CNIH3: variants seen among roughly 807,000 people sequenced by gnomAD.
CNIH3 encodes cornichon family AMPA receptor auxiliary protein 3.
Under a neutral mutation model 24.1 loss-of-function variants are expected in CNIH3, and 14 were observed. The ratio of observed to expected loss-of-function variants is 0.58; its 90% confidence interval spans 0.38 to 0.91. The LOEUF is 0.91. Ranked by LOEUF, CNIH3 falls within the 40% of genes least tolerant of loss-of-function variation. The probability of loss-of-function intolerance (pLI) is 0.00; values close to 1 mark genes in which losing one functional copy is unlikely to be tolerated. For missense variants in CNIH3, 178 were observed against 196.8 expected (o/e 0.90, Z 0.57); for synonymous variants, 68 against 73.8 (o/e 0.92, Z 0.40).
At chr1:224,679,252 A>G (rs1686285327) in intron 1 of CNIH3, among the ~76,000 whole-genome samples, 1 of 152,146 alleles carries the variant, frequency 6.6e-6, no homozygotes, top group South Asian at 2.1e-4. Context: ...AGGCAGGAGA[A>G]TTGCTTGAGC....
chr1:224,724,783 C>T (rs1379648475), intron 3 of CNIH3, among the ~76,000 whole-genome samples: 1 of 152,130 alleles, frequency 6.6e-6, no homozygotes, highest in African/African-American at 2.4e-5. Context: ...TTGGTTCAAT[C>T]AGAGGGAGTC....
intron 3 of CNIH3, among the ~76,000 whole-genome samples, chr1:224,724,590 A>G (rs576262664): frequency 1.3e-5 from 2 of 152,372 alleles, no homozygotes; most frequent in South Asian, 4.1e-4. Context: ...GAGGAATCAA[A>G]TAAAAGATAT....
At chr1:224,501,525 A>ATATT (rs1285484115) in intron 1 of CNIH3, among the ~76,000 whole-genome samples, 3 of 92,810 alleles carry the variant, frequency 3.2e-5, no homozygotes, top group Admixed American at 1.1e-4. Context: ...ATATATATAT[A>ATATT]TTTTTTTTTT....
chr1:224,456,031 T>C (rs114491613), intron 1 of CNIH3, among the ~76,000 whole-genome samples: 1 of 152,326 alleles, frequency 6.6e-6, no homozygotes, highest in African/African-American at 2.4e-5. Context: ...CTAAAGTAAT[T>C]ACTGTTGCTT....
chr1:224,655,690 C>G (rs1436172), intron 1 of CNIH3, among the ~76,000 whole-genome samples: 88,628 of 151,520 alleles, frequency 0.58, 28,085 homozygotes, highest in African/African-American at 0.83. Context: ...GTTGCTCACT[C>G]TATGGAAAGC....
intron 2 of CNIH3, among the ~76,000 whole-genome samples, chr1:224,523,549 G>T (rs143331622): frequency 2.6e-5 from 4 of 152,124 alleles, no homozygotes; most frequent in Admixed American, 6.5e-5. Context: ...CAGGGGAAAG[G>T]GTTGGTGATA....
At chr1:224,435,253 G>C in intron 1 of CNIH3, 2 of 974,966 alleles carry the variant, frequency 2.1e-6, no homozygotes, top group Non-Finnish European at 2.4e-6. Flanking sequence ...GGCTGTGGTA[G>C]GCCCCTCTCA....
intron 3 of CNIH3, among the ~76,000 whole-genome samples, chr1:224,596,310 A>G (rs1159058087): frequency 6.6e-6 from 1 of 152,266 alleles, no homozygotes; most frequent in Non-Finnish European, 1.5e-5. Flanking sequence ...TCTAAGTGGA[A>G]CAACAAAGCC....
intron 3 of CNIH3, among the ~76,000 whole-genome samples, chr1:224,702,697 C>G (rs12239521): frequency 0.021 from 3,243 of 152,314 alleles, 82 homozygotes; most frequent in African/African-American, 0.058. Context: ...ACCCCACCCC[C>G]AGAGAGTCTC....
At chr1:224,733,898 T>C (rs1327301844) in intron 4 of CNIH3, among the ~76,000 whole-genome samples, 1 of 152,068 alleles carries the variant, frequency 6.6e-6, no homozygotes, top group Admixed American at 6.6e-5. Flanking sequence ...GCCTGACGGC[T>C]CCCCTCCTCA....
Position 224,604,509 on chromosome 1 carries a change from A to G in CNIH3, n.402+38245A>G, listed in dbSNP as rs1682333140. ...CTGAGATGGAGCCTCTGAAGAAGGG[A>G]CCCCTACGCCGCTTTGTGCCAGTGA... On this transcript the variant is annotated intron_variant and non_coding_transcript_variant, in intron 3 of 7. Transcript: ENST00000478120. This position sits in a 1 kb window ranked among gnomAD's most constrained non-coding sequence, Gnocchi z 4.4. 6.6e-6 allele frequency among the ~76,000 whole-genome samples: 1 copy of G among 152,050 alleles called. No homozygotes were observed. The highest frequency in any genetic ancestry group is 6.6e-5 in the Admixed American group (1 of 15,262).
intron 1 of CNIH3, among the ~76,000 whole-genome samples, chr1:224,479,137 C>G (rs577365324): frequency 6.8e-6 from 1 of 147,056 alleles, no homozygotes; most frequent in East Asian, 2.0e-4. Context: ...CAGCAGTCCC[C>G]CAAAGTCTTT....
chr1:224,593,435 G>A (rs2125031581), downstream of CNIH3, among the ~76,000 whole-genome samples: 1 of 152,296 alleles, frequency 6.6e-6, no homozygotes, highest in South Asian at 2.1e-4. Context: ...CACATCTGCG[G>A]GGCAAAGAGA....
intron 4 of CNIH3, among the ~76,000 whole-genome samples, chr1:224,572,493 G>GTGAC (rs1286367773): frequency 6.7e-6 from 1 of 150,164 alleles, no homozygotes; most frequent in Admixed American, 6.6e-5. Context: ...TTCAGCCTGG[G>GTGAC]TGACAGAGTG....
chr1:224,448,306 CTG>C (rs1675248283), intron 1 of CNIH3, among the ~76,000 whole-genome samples: 1 of 152,150 alleles, frequency 6.6e-6, no homozygotes, highest in African/African-American at 2.4e-5. Context: ...AGATAGCTGA[CTG>C]TACTTGCTTT....
chr1:224,663,653 G>T (rs1410160216), intron 1 of CNIH3, among the ~76,000 whole-genome samples: 1 of 152,184 alleles, frequency 6.6e-6, no homozygotes, highest in Non-Finnish European at 1.5e-5. Context: ...GGTTACACTT[G>T]TTCAACCTGC....
At chr1:224,657,029 G>T (rs1422110243) in intron 1 of CNIH3, among the ~76,000 whole-genome samples, 4 of 152,112 alleles carry the variant, frequency 2.6e-5, no homozygotes, top group African/African-American at 9.7e-5. Flanking sequence ...TCAGTTGATG[G>T]GAGGCTTAGG....
At chr1:224,523,917 G>A (rs1678741537) in intron 2 of CNIH3, among the ~76,000 whole-genome samples, 1 of 152,174 alleles carries the variant, frequency 6.6e-6, no homozygotes, top group South Asian at 2.1e-4. Flanking sequence ...GGAGGATGGA[G>A]CCCTGAGGCT....
At chr1:224,454,368 T>C (rs936768105) in intron 1 of CNIH3, 2 of 921,304 alleles carry the variant, frequency 2.2e-6, no homozygotes, top group East Asian at 2.4e-4. Flanking sequence ...AATTCAACTA[T>C]ATTGTGTTGA....
Sources: allele counts gnomAD v4.1 joint callset (sites outside exome capture counted in the v4.1 genomes callset), GRCh38; gene constraint gnomAD v4.1.1; non-coding constraint Gnocchi (gnomAD v3.1); transcripts MANE v1.5; gene names NCBI Gene and HGNC (gene_info 2026-07-23, HGNC 2026-07-21).